The following CCDC178 variants were observed in gnomAD, a reference collection of about 807,000 sequenced individuals.
The protein encoded by CCDC178 is coiled-coil domain-containing protein 178.
Under a neutral mutation model 117.4 loss-of-function variants are expected in CCDC178, and 126 were observed. The ratio of observed to expected loss-of-function variants is 1.07; its 90% CI spans 0.93 to 1.24. The LOEUF (loss-of-function observed/expected upper bound fraction) is 1.24. CCDC178 is among the 50% of genes most tolerant of loss of function. The pLI, the probability that CCDC178 is intolerant of heterozygous loss-of-function variation, is 0.00. For synonymous variants in CCDC178, 283 were observed against 313.4 expected, an observed-to-expected ratio of 0.90 and a Z score of 1.02; for missense variants, 1,030 against 986.9, an observed-to-expected ratio of 1.04 and a Z score of -0.59.
At chr18:33,029,437 G>A (rs927092619) in intron 21 of CCDC178, among the ~76,000 whole-genome samples, 1 of 151,428 alleles carries the variant, frequency 6.6e-6, no homozygotes, top group Non-Finnish European at 1.5e-5. Context: ...CAATTTTGTT[G>A]GTCTCTTCGA....
At chr18:33,028,104 A>G (rs989795646) in intron 21 of CCDC178, among the ~76,000 whole-genome samples, 2 of 151,722 alleles carry the variant, frequency 1.3e-5, no homozygotes, top group African/African-American at 4.8e-5. Flanking sequence ...TTGCAAACAA[A>G]TCTAAAGAAT....
chr18:33,251,377 G>A (rs965453133), intron 14 of CCDC178, among the ~76,000 whole-genome samples: 3 of 151,692 alleles, frequency 2.0e-5, no homozygotes, highest in African/African-American at 7.3e-5. Context: ...ATGGTTATTA[G>A]GAGTCAAGAG....
chr18:33,173,868 G>A (rs1465730001), intron 20 of CCDC178, among the ~76,000 whole-genome samples: 1 of 152,092 alleles, frequency 6.6e-6, no homozygotes, highest in Non-Finnish European at 1.5e-5. Flanking sequence ...CAAAAGACTA[G>A]AGTAAAAGTG....
At chr18:33,231,884 GC>G (rs2144652244) in intron 15 of CCDC178, among the ~76,000 whole-genome samples, 1 of 152,254 alleles carries the variant, frequency 6.6e-6, no homozygotes, top group African/African-American at 2.4e-5. Context: ...CCTCTTCCAT[GC>G]TTGTTCCTTC....
chr18:33,435,178 A>T (rs1425815136), intron 2 of CCDC178, among the ~76,000 whole-genome samples: 11 of 152,152 alleles, frequency 7.2e-5, no homozygotes, highest in Non-Finnish European at 1.0e-4. Context: ...TATATTTTTT[A>T]AAAAGAGCAA....
chr18:33,398,655 A>G (rs2063671372), intron 3 of CCDC178, among the ~76,000 whole-genome samples: 3 of 152,278 alleles, frequency 2.0e-5, no homozygotes, highest in African/African-American at 7.2e-5. Flanking sequence ...GCTGAATGAA[A>G]AATACAGTTA....
intron 9 of CCDC178, among the ~76,000 whole-genome samples, chr18:33,338,331 G>C (rs550961260): frequency 6.6e-6 from 1 of 152,236 alleles, no homozygotes; most frequent in African/African-American, 2.4e-5. Context: ...CAGCTACTAG[G>C]GAAAACAGTG....
At chr18:33,221,047 G>C (rs951925714) in intron 18 of CCDC178, among the ~76,000 whole-genome samples, 10 of 151,992 alleles carry the variant, frequency 6.6e-5, no homozygotes, top group African/African-American at 2.4e-4. Context: ...ACCAAATATA[G>C]CCCATGAACC....
At chr18:33,000,742 A>T (rs2055614011) in intron 21 of CCDC178, among the ~76,000 whole-genome samples, 1 of 152,238 alleles carries the variant, frequency 6.6e-6, no homozygotes, top group Non-Finnish European at 1.5e-5. Flanking sequence ...TTAAATATGA[A>T]GGAGATATTA....
intron 6 of CCDC178, 125 bp from the exon 7 acceptor site, chr18:33,356,471 T>A: frequency 9.8e-7 from 1 of 1,016,258 alleles, no homozygotes; most frequent in Non-Finnish European, 1.3e-6. Flanking sequence ...TTTGTGTACT[T>A]ATACTCTCGG....
intron 12 of CCDC178, among the ~76,000 whole-genome samples, chr18:33,288,756 A>T (rs1387326203): frequency 6.6e-6 from 1 of 152,114 alleles, no homozygotes; most frequent in Non-Finnish European, 1.5e-5. Context: ...CCAAGTTGAG[A>T]TTTAAAATAA....
intron 20 of CCDC178, among the ~76,000 whole-genome samples, chr18:33,127,141 GATTT>G (rs1405593852): frequency 3.3e-5 from 5 of 150,814 alleles, no homozygotes; most frequent in Non-Finnish European, 7.4e-5. Context: ...TTATTTTTTA[GATTT>G]ATTTGCTTTT....
chr18:32,958,151 C>A (rs781598343), intron 22 of CCDC178: 1 of 528,484 alleles, frequency 1.9e-6, no homozygotes, highest in Admixed American at 3.3e-5. Flanking sequence ...ACAGACATTA[C>A]GTTTGAAGTG....
chr18:33,295,003 G>T (rs753517088), intron 11 of CCDC178, among the ~76,000 whole-genome samples: 7 of 152,086 alleles, frequency 4.6e-5, no homozygotes, highest in Non-Finnish European at 8.8e-5. Context: ...TGTTATATCA[G>T]CTAAATCAGA....
rs555899419 is a variant in CCDC178, at chr18:33,342,723, A to T, written c.658+3488T>A. Reference sequence around the variant, plus strand: ...CAATTGGATCTGCGGCCTGAAGAAGAGCTTCCCTAGCCAACTCACAGAGCC... The same window carrying T: ...CAATTGGATCTGCGGCCTGAAGAAGTGCTTCCCTAGCCAACTCACAGAGCC... On this transcript the variant is annotated intron_variant, in intron 9 of 22. Coordinates refer to ENST00000383096, the MANE Select transcript of CCDC178 (RefSeq NM_001105528.4). 2.4e-4 allele frequency among the ~76,000 whole-genome samples: 36 copies of T among 152,316 alleles called. No individual in the cohort carries two copies. The South Asian group carries it at 7.0e-3, about 30-fold the overall frequency.
chr18:33,176,827 C>A (rs570209098), intron 20 of CCDC178, among the ~76,000 whole-genome samples: 94 of 152,062 alleles, frequency 6.2e-4, no homozygotes, highest in African/African-American at 2.0e-3. Flanking sequence ...GAGCTGTTGA[C>A]ATAGGAGAAA....
chr18:33,060,206 C>G (rs2144958408), intron 21 of CCDC178, among the ~76,000 whole-genome samples: 1 of 152,218 alleles, frequency 6.6e-6, no homozygotes, highest in South Asian at 2.1e-4. Context: ...ATTACAGCAT[C>G]ATTGGTAAAA....
At chr18:33,391,940 T>C (rs1424566962) in intron 4 of CCDC178, among the ~76,000 whole-genome samples, 2 of 151,996 alleles carry the variant, frequency 1.3e-5, no homozygotes, top group African/African-American at 4.8e-5. Flanking sequence ...CTCGGTTCAC[T>C]GCAACCTCTG....
intron 20 of CCDC178, among the ~76,000 whole-genome samples, chr18:33,117,661 TG>T (rs1428168023): frequency 6.6e-6 from 1 of 151,858 alleles, no homozygotes; most frequent in Non-Finnish European, 1.5e-5. Context: ...ACATGGCACA[TG>T]TATACATATG....
Sources: allele counts gnomAD v4.1 joint callset (sites outside exome capture counted in the v4.1 genomes callset), GRCh38; gene constraint gnomAD v4.1.1; transcripts MANE v1.5; gene names NCBI Gene and HGNC (gene_info 2026-07-23, HGNC 2026-07-21).